Variants in PREPL observed in about 807,000 individuals in gnomAD.
The protein encoded by PREPL is prolyl endopeptidase like.
A neutral mutation model predicts 70.6 loss-of-function variants in PREPL; 77 were observed. That is an observed-to-expected ratio of 1.09 (90% confidence interval 0.91 to 1.32). The LOEUF is 1.32. Among genes scored for constraint, PREPL ranks in the 40% most tolerant of loss-of-function variants. The pLI is 0.00. For synonymous variants in PREPL, 315 were observed against 264.8 expected (o/e 1.19, Z -1.84); for missense variants, 1,002 against 778.2 (o/e 1.29, Z -3.42).
chr2:44,337,979 G>C (rs1674807304), intron 7 of PREPL, among the ~76,000 whole-genome samples: 1 of 152,222 alleles, frequency 6.6e-6, no homozygotes, highest in Non-Finnish European at 1.5e-5. Context: ...TTGGGGATGT[G>C]GGATGGGGGA....
chr2:44,322,908 C>T, intron 11 of PREPL, 54 bp from the exon 12 acceptor site: 1 of 1,577,614 alleles, frequency 6.3e-7, no homozygotes, highest in Admixed American at 1.9e-5. Context: ...GGTCCCTTGC[C>T]ACTATAGAGA....
chr2:44,355,753 A>G (rs944957657), intron 1 of PREPL, among the ~76,000 whole-genome samples: 7 of 78,232 alleles, frequency 8.9e-5, no homozygotes, highest in Non-Finnish European at 1.4e-4. Context: ...ACTACATATT[A>G]TATATATATA....
chr2:44,348,580 A>T (rs1676071307), intron 1 of PREPL, among the ~76,000 whole-genome samples: 1 of 152,202 alleles, frequency 6.6e-6, no homozygotes, highest in Non-Finnish European at 1.5e-5. Flanking sequence ...GCCAACACAG[A>T]GCCAAAAGCA....
chr2:44,342,107 C>T (rs773713882), intron 5 of PREPL, among the ~76,000 whole-genome samples: 2 of 152,114 alleles, frequency 1.3e-5, no homozygotes, highest in Non-Finnish European at 2.9e-5. Flanking sequence ...AAAGGTGAAA[C>T]AGACTCAGTC....
intron 1 of PREPL, among the ~76,000 whole-genome samples, chr2:44,358,999 G>A (rs1677355901): frequency 3.3e-5 from 5 of 151,714 alleles, no homozygotes. Context: ...GAAGTCCTGA[G>A]GTGAATCATT....
At position 44,318,739 on chromosome 2, in the gene PREPL, G is replaced by C. The variant is rs568400508; in HGVS notation, c.*2617C>G. On this transcript the variant is annotated 3_prime_UTR_variant, in exon 14 of 14. Coordinates refer to ENST00000409411, the MANE Select transcript of PREPL (RefSeq NM_001171613.2). ...TTTTATAGTATGTATTCTTGTAATT[G>C]AATAAAAAATAAAATTACAAAAATC... The C allele has an allele frequency of 6.6e-6, 1 of 152,102 alleles. No individual in the cohort carries two copies. Among genetic ancestry groups the C allele is most frequent in the East Asian group, 1.9e-4 (1 of 5,188 alleles). 9.4% of individuals were successfully genotyped at this position (152,102 alleles called of 1,614,324 possible).
intron 1 of PREPL, among the ~76,000 whole-genome samples, chr2:44,348,788 T>C (rs560210803): frequency 6.6e-6 from 1 of 152,342 alleles, no homozygotes; most frequent in South Asian, 2.1e-4. Flanking sequence ...ATTACTCCCA[T>C]GGAAACTGAG....
intron 5 of PREPL, among the ~76,000 whole-genome samples, chr2:44,340,290 C>A (rs984224854): frequency 1.8e-4 from 27 of 151,948 alleles, no homozygotes; most frequent in Non-Finnish European, 2.9e-4. Context: ...TTTCCCAAGA[C>A]AAATTTTTAG....
chr2:44,321,505 T>G, intron 13 of PREPL, 60 bp from the exon 14 acceptor site: 1 of 1,576,244 alleles, frequency 6.3e-7, no homozygotes, highest in Middle Eastern at 1.9e-4. Flanking sequence ...TGCCACTGTT[T>G]AAGCTTCTCT....
At chr2:44,359,408 T>C (rs1677415311) in intron 1 of PREPL, 10 of 1,010,108 alleles carry the variant, frequency 9.9e-6, no homozygotes, top group Non-Finnish European at 1.5e-5. Context: ...CTGAGAAAAT[T>C]AGTAGCTCTG....
In PREPL at chr2:44,319,151, C is replaced by A. The variant is rs540608031; in HGVS notation, c.*2205G>T. 4 of 152,644 alleles carry A rather than the reference C, an allele frequency of 2.6e-5. No homozygotes were observed. The South Asian group carries it at 6.2e-4, about 24-fold the overall frequency. The allele number at this position is 152,644 out of a possible 1,614,324, so 9.5% of individuals were successfully genotyped here. On this transcript the variant is annotated 3_prime_UTR_variant, in exon 14 of 14. Coordinates refer to ENST00000409411, the MANE Select transcript of PREPL (RefSeq NM_001171613.2). ...AACAGAATAAACATCTTTTTAAACA[C>A]CATTAGATAATTATTTAAAGACCAC...
At chr2:44,352,134 A>G (rs1019294355) in intron 1 of PREPL, among the ~76,000 whole-genome samples, 1 of 152,210 alleles carries the variant, frequency 6.6e-6, no homozygotes, top group East Asian at 1.9e-4. Flanking sequence ...GGCCTTTCCT[A>G]ACCATTTTAC....
intron 1 of PREPL, among the ~76,000 whole-genome samples, chr2:44,359,067 C>CTTTTTTTTTTT: frequency 1.1e-5 from 1 of 94,494 alleles, no homozygotes; most frequent in Non-Finnish European, 2.1e-5. Flanking sequence ...TATGTATACA[C>CTTTTTTTTTTT]TTTTTTTTTT....
intron 12 of PREPL, among the ~76,000 whole-genome samples, chr2:44,322,438 T>G (rs1673066902): frequency 6.6e-6 from 1 of 152,194 alleles, no homozygotes; most frequent in African/African-American, 2.4e-5. Context: ...GTTAAATGAA[T>G]TAATAATTGT....
rs536229027 is a variant in PREPL, at chr2:44,326,992, G to C, written c.1263-64C>G. ...AAGTTAATACTGTAGGCTGGGGTCA[G>C]CGAACTACACCTGGAGGCCTGTTTT... is the stretch of plus-strand genomic sequence containing the variant. On this transcript the variant is annotated intron_variant, in intron 9 of 13. Coordinates refer to ENST00000409411, the MANE Select transcript of PREPL (RefSeq NM_001171613.2). The C allele has an allele frequency of 1.9e-5, 27 of 1,388,398 alleles. No homozygotes were observed. In the African/African-American group the frequency reaches 3.7e-4, roughly 19 times the overall value. 86.0% of individuals were successfully genotyped at this position (1,388,398 alleles called of 1,614,324 possible).
At chr2:44,341,379 C>A (rs1266101053) in intron 5 of PREPL, among the ~76,000 whole-genome samples, 2 of 151,994 alleles carry the variant, frequency 1.3e-5, no homozygotes, top group South Asian at 2.1e-4. Flanking sequence ...ATTTGTCTAT[C>A]AATTTGTATT....
In PREPL at chr2:44,349,755, GA is replaced by G. The variant is rs540105595; in HGVS notation, c.-48-3366del. 2.4e-4 allele frequency among the ~76,000 whole-genome samples: 37 copies of G among 151,904 alleles called. No homozygotes were observed. In the South Asian group the frequency reaches 7.5e-3, roughly 31 times the overall value. The stretch of plus-strand genomic sequence containing the variant: ...CAAGGCGGGTGGATCACGAGGTCAA[GA>G]AAAAAGAATACGAGGAGAGAAAAAG... On this transcript the variant is annotated intron_variant, in intron 1 of 13. Transcript: ENST00000409411.
Position 44,344,558 on chromosome 2 carries a change from T to C in PREPL, c.104A>G (p.Gln35Arg). ...EVKHGGFVYY[Q>R]EGCCLVRSKD... Reference sequence around the variant, plus strand: ...GGAACGAACCAAGCAACAACCTTCTTGGTAATAAACAAAACCACCATGTTT... The same window carrying C: ...GGAACGAACCAAGCAACAACCTTCTCGGTAATAAACAAAACCACCATGTTT... Residue 35 changes from glutamine (Q) to arginine (R), a missense_variant, in exon 3 of 14, where the codon CAA becomes CGA. Coordinates refer to ENST00000409411, the MANE Select transcript of PREPL (RefSeq NM_001171613.2). The C allele has an allele frequency of 1.2e-6, 2 of 1,604,756 alleles. No homozygotes were observed. Among genetic ancestry groups the C allele is most frequent in the East Asian group, 2.2e-5 (1 of 44,528 alleles).
rs767526562 is a variant in PREPL at position 44,320,166 on chromosome 2, A to C, written c.*1190T>G. 2 of 1,530,468 alleles carry C rather than the reference A, an allele frequency of 1.3e-6. No individual in the cohort carries two copies. Among genetic ancestry groups the C allele is most frequent in the African/African-American group, 1.4e-5 (1 of 73,006 alleles). 94.8% of individuals were successfully genotyped at this position (1,530,468 alleles called of 1,614,324 possible). A position where few individuals can be genotyped will look rare whatever the true frequency, so the allele number is the denominator to read the frequency against. ...TACTTACAAACAATTCTTAGAATCAAACACTTACGTAAATACTTTTTTAAA... is the reference window on the plus strand; with the variant it reads ...TACTTACAAACAATTCTTAGAATCACACACTTACGTAAATACTTTTTTAAA... On this transcript the variant is annotated 3_prime_UTR_variant, in exon 14 of 14. Coordinates refer to ENST00000409411, the MANE Select transcript of PREPL (RefSeq NM_001171613.2).
Sources: allele counts gnomAD v4.1 joint callset (sites outside exome capture counted in the v4.1 genomes callset), GRCh38; gene constraint gnomAD v4.1.1; transcripts MANE v1.5; gene names NCBI Gene and HGNC (gene_info 2026-07-23, HGNC 2026-07-21).